Variants in GINS3 observed in about 807,000 individuals in gnomAD.
GINS3 encodes the protein GINS complex subunit 3.
GINS3 carries 18 observed loss-of-function variants against 20.0 expected under a neutral mutation model. The observed-to-expected ratio is 0.90, with a 90% confidence interval of 0.62 to 1.33. The LOEUF (loss-of-function observed/expected upper bound fraction) is 1.33. Ranked by LOEUF, GINS3 falls within the 40% of genes most tolerant of loss-of-function variation. The pLI, the probability that GINS3 is intolerant of heterozygous loss-of-function variation, is 0.00. For missense variants in GINS3, 254 were observed against 273.6 expected (o/e 0.93, Z 0.51); for synonymous variants, 109 against 107.0 (o/e 1.02, Z -0.12).
intron 1 of GINS3, among the ~76,000 whole-genome samples, chr16:58,395,665 C>T (rs1472174640): frequency 6.6e-6 from 1 of 152,190 alleles, no homozygotes; most frequent in African/African-American, 2.4e-5. Flanking sequence ...CACAGATCAA[C>T]AGGATCCCAA....
At chr16:58,395,581 C>T (rs925407878) in intron 1 of GINS3, among the ~76,000 whole-genome samples, 6 of 152,076 alleles carry the variant, frequency 3.9e-5, no homozygotes, top group Non-Finnish European at 8.8e-5. Context: ...GCACATCTTG[C>T]ACCACCCTTA....
At chr16:58,396,893 A>G (rs1291706688) in intron 1 of GINS3, among the ~76,000 whole-genome samples, 22 of 129,338 alleles carry the variant, frequency 1.7e-4, no homozygotes, top group African/African-American at 6.4e-4. Flanking sequence ...CGGGGGGCTG[A>G]CCCCCCCACC....
intron 2 of GINS3, chr16:58,404,111 T>C (rs1010560272): frequency 1.0e-5 from 2 of 191,432 alleles, no homozygotes; most frequent in Non-Finnish European, 2.2e-5. Context: ...TTTTAATTTT[T>C]CATAATTACT....
At position 58,404,531 on chromosome 16, in the gene GINS3, C is replaced by G. The variant is rs758971074; in HGVS notation, c.453C>G (p.Asp151Glu). Residue 151 changes from aspartate (D) to glutamate (E), a missense_variant, in exon 3 of 3, where the codon GAC (aspartate) becomes GAG (glutamate). Physicochemically the swap from Asp to Glu is conservative, Grantham distance 45. Transcript: ENST00000318129. ...TFIGRFRRIMDSSQNAYNEDT... is the reference protein window; with the variant it reads ...TFIGRFRRIMESSQNAYNEDT... Reference sequence around the variant, plus strand: ...TCGGACGTTTTCGCCGCATCATGGACTCCTCACAGAATGCTTACAACGAAG... The same window carrying G: ...TCGGACGTTTTCGCCGCATCATGGAGTCCTCACAGAATGCTTACAACGAAG... 1.7e-5 allele frequency: 27 copies of G among 1,614,080 alleles called. No individual in the cohort carries two copies. The highest frequency in any genetic ancestry group is 1.9e-5 in the Non-Finnish European group (23 of 1,180,034).
At chr16:58,400,694 G>A (rs1040772117) in intron 1 of GINS3, among the ~76,000 whole-genome samples, 2 of 151,814 alleles carry the variant, frequency 1.3e-5, no homozygotes, top group Non-Finnish European at 2.9e-5. Context: ...TACTTTTAAA[G>A]GATATTTTCA....
intron 1 of GINS3, among the ~76,000 whole-genome samples, chr16:58,401,268 C>G (rs1367990986): frequency 1.3e-5 from 2 of 152,094 alleles, no homozygotes; most frequent in Non-Finnish European, 2.9e-5. Context: ...TGTGGTCTCG[C>G]TGGCTTCAGG....
rs201092546 is a variant in GINS3 at position 58,400,940 on chromosome 16, GA to G, written c.187-2157del. 5.0e-3 allele frequency among the ~76,000 whole-genome samples: 764 copies of G among 151,732 alleles called. 5 individuals are homozygous for G. Among genetic ancestry groups the G allele is most frequent in the African/African-American group, 0.016 (670 of 41,356 alleles). ...AGCGAGTCTTCTGCCTCAGCCTCCT[GA>G]GTAGCTAGGATTACAGGCGCCCACC... On this transcript the variant is annotated intron_variant, in intron 1 of 2. Transcript: ENST00000318129.
intron 1 of GINS3, among the ~76,000 whole-genome samples, chr16:58,401,107 A>G (rs983683562): frequency 1.3e-5 from 2 of 151,780 alleles, no homozygotes; most frequent in Non-Finnish European, 2.9e-5. Context: ...TGGTTCCTTC[A>G]GGTGGGTTCT....
intron 1 of GINS3, among the ~76,000 whole-genome samples, chr16:58,397,010 C>G (rs1396375457): frequency 4.3e-5 from 6 of 140,224 alleles, no homozygotes; most frequent in Non-Finnish European, 6.1e-5. Context: ...GCTGGCTGGG[C>G]GGGGGGCTGA....
chr16:58,396,745 G>A (rs1238208354), intron 1 of GINS3, among the ~76,000 whole-genome samples: 2 of 136,944 alleles, frequency 1.5e-5, no homozygotes, highest in Non-Finnish European at 3.2e-5. Flanking sequence ...CGGACGGGGC[G>A]GCTGGCCGGG....
In GINS3 at chr16:58,392,646, T is replaced by C; in HGVS notation, c.45T>C (p.Pro15=). Residue 15 remains proline (P), a synonymous_variant, in exon 1 of 3, where the codon CCT becomes CCC. Transcript: ENST00000318129. ...YFRVESGALG[P]EENFLSLDDI... The stretch of plus-strand genomic sequence containing the variant: ...GAGTGGAGTCGGGTGCGCTGGGGCC[T>C]GAGGAGAACTTTCTTTCTTTGGACG... 3 of 1,614,204 alleles carry C rather than the reference T, an allele frequency of 1.9e-6. No homozygotes were observed. The highest frequency in any genetic ancestry group is 2.5e-6 in the Non-Finnish European group (3 of 1,180,014).
At chr16:58,396,397 C>T (rs1171005293) in intron 1 of GINS3, among the ~76,000 whole-genome samples, 3 of 123,088 alleles carry the variant, frequency 2.4e-5, no homozygotes, top group Admixed American at 7.5e-5. Context: ...GGGGCTGACC[C>T]CCCCACCTCC....
rs1555519445 is a variant in GINS3 at position 58,396,559 on chromosome 16, C to CA, written c.186+3772_186+3773insA. Among the ~76,000 whole-genome samples the CA allele has an allele frequency of 7.0e-4, 21 of 30,064 alleles. 3 individuals carry two copies. The highest frequency in any genetic ancestry group is 4.0e-3 in the African/African-American group (21 of 5,258). The allele number at this position is 30,064 out of a possible 152,430, so 19.7% of individuals were successfully genotyped here. A position where few individuals can be genotyped will look rare whatever the true frequency, so the allele number is the denominator to read the frequency against. ...CTCCCGGACGGGGCGGCTGGTCGGG[C>CA]GGGGGCTGATCCCCCCCACCTCCCT... is the stretch of plus-strand genomic sequence containing the variant. On this transcript the variant is annotated intron_variant, in intron 1 of 2. Coordinates refer to ENST00000318129, the MANE Select transcript of GINS3 (RefSeq NM_022770.4).
chr16:58,397,301 A>G (rs1965889670), intron 1 of GINS3, among the ~76,000 whole-genome samples: 1 of 149,016 alleles, frequency 6.7e-6, no homozygotes, highest in African/African-American at 2.5e-5. Flanking sequence ...GGCCGGGCAG[A>G]GACGCTCCTC....
intron 1 of GINS3, among the ~76,000 whole-genome samples, chr16:58,394,355 G>A (rs1315134701): frequency 6.6e-6 from 1 of 151,868 alleles, no homozygotes; most frequent in Non-Finnish European, 1.5e-5. Flanking sequence ...TTGTTTTTTT[G>A]TTTGTTTTTT....
At chr16:58,398,181 T>C (rs1041914614) in intron 1 of GINS3, among the ~76,000 whole-genome samples, 3 of 152,072 alleles carry the variant, frequency 2.0e-5, no homozygotes, top group Admixed American at 2.0e-4. Context: ...GAAACCTAGG[T>C]CATTAATTTT....
At chr16:58,396,191 T>A (rs1269250528) in intron 1 of GINS3, among the ~76,000 whole-genome samples, 3 of 121,470 alleles carry the variant, frequency 2.5e-5, no homozygotes, top group Non-Finnish European at 5.2e-5. Context: ...GAGGGGCTCC[T>A]CACTTACCAG....
At chr16:58,400,859 G>T (rs1965944548) in intron 1 of GINS3, among the ~76,000 whole-genome samples, 1 of 149,498 alleles carries the variant, frequency 6.7e-6, no homozygotes, top group African/African-American at 2.5e-5. Flanking sequence ...CTGTCGCCCA[G>T]GCTGGAGTAC....
intron 1 of GINS3, chr16:58,394,996 A>G: frequency 2.3e-6 from 1 of 432,358 alleles, no homozygotes; most frequent in Non-Finnish European, 4.1e-6. Context: ...TTTCATTTAT[A>G]GGATTATTCA....
Sources: gnomAD v4.1 joint callset for allele counts (sites outside exome capture counted in the v4.1 genomes callset) on GRCh38, gnomAD v4.1.1 for gene constraint, MANE v1.5 for transcripts, NCBI Gene and HGNC (gene_info 2026-07-23, HGNC 2026-07-21) for gene names.